Variants in TLL2 observed in about 807,000 individuals in gnomAD.
TLL2 encodes tolloid-like protein 2.
Under a neutral mutation model 123.0 loss-of-function variants are expected in TLL2, and 106 were observed. That is an observed-to-expected ratio of 0.86 (90% CI 0.74 to 1.01). The LOEUF (loss-of-function observed/expected upper bound fraction) is 1.01, where lower values mean the gene tolerates loss of function less well. TLL2 is among the 50% of genes least tolerant of loss of function. TLL2 has a pLI of 0.00. For synonymous variants in TLL2, 494 were observed against 516.8 expected (o/e 0.96, Z 0.60); for missense variants, 1,332 against 1,336.7 (o/e 1.00, Z 0.06).
rs1846104031 is a variant in TLL2, at chr10:96,373,519, C to T, written c.2662+77G>A. 13 of 1,399,908 alleles carry T rather than the reference C, an allele frequency of 9.3e-6. No homozygotes were observed. The South Asian group carries it at 1.6e-4, about 17-fold the overall frequency. 86.7% of individuals were successfully genotyped at this position (1,399,908 alleles called of 1,614,324 possible). On this transcript the variant is annotated intron_variant, in intron 19 of 20. Coordinates refer to ENST00000357947, the MANE Select transcript of TLL2 (RefSeq NM_012465.4). The stretch of plus-strand genomic sequence containing the variant: ...CCCCCAGTCAGAATAAAAGGCAGTC[C>T]TTGTCGTGCCTTCACCATTTCTCTG...
At chr10:96,469,867 G>C (rs7922918) in intron 2 of TLL2, among the ~76,000 whole-genome samples, 53,583 of 152,098 alleles carry the variant, frequency 0.35, 9,650 homozygotes, top group Middle Eastern at 0.48. Context: ...GCATCAGAGA[G>C]GCAGCAGAGC....
At chr10:96,416,549 A>T (rs1589417213) in intron 7 of TLL2, among the ~76,000 whole-genome samples, 1 of 152,204 alleles carries the variant, frequency 6.6e-6, no homozygotes, top group Non-Finnish European at 1.5e-5. Flanking sequence ...CCAGGAGCTC[A>T]CCTCTGGGAA....
chr10:96,385,213 G>A (rs1214272932), intron 15 of TLL2, among the ~76,000 whole-genome samples: 1 of 152,108 alleles, frequency 6.6e-6, no homozygotes, highest in East Asian at 1.9e-4. Context: ...AGGGAAACAA[G>A]CTCAGAGGGG....
intron 7 of TLL2, among the ~76,000 whole-genome samples, chr10:96,417,126 C>T (rs1846570505): frequency 6.6e-6 from 1 of 152,204 alleles, no homozygotes; most frequent in Non-Finnish European, 1.5e-5. Context: ...CATTTGCCCA[C>T]CTCCCCAGAT....
chr10:96,439,814 T>C (rs1846833666), intron 3 of TLL2, among the ~76,000 whole-genome samples: 1 of 152,228 alleles, frequency 6.6e-6, no homozygotes, highest in African/African-American at 2.4e-5. Context: ...CTTGCAGTGC[T>C]GGGATAAACC....
intron 3 of TLL2, among the ~76,000 whole-genome samples, chr10:96,439,727 A>G (rs1297357629): frequency 6.6e-6 from 1 of 152,190 alleles, no homozygotes; most frequent in African/African-American, 2.4e-5. Context: ...CCAGACCCAG[A>G]AAGTTGGTAT....
chr10:96,395,461 A>T, intron 12 of TLL2, 79 bp from the exon 13 acceptor site: 1 of 1,413,014 alleles, frequency 7.1e-7, no homozygotes. Flanking sequence ...GAACCCAAAT[A>T]TCACTCTCAA....
At chr10:96,422,446 G>C in intron 6 of TLL2, 103 bp downstream of exon 6, 1 of 1,328,394 alleles carries the variant, frequency 7.5e-7, no homozygotes, top group East Asian at 2.5e-5. Context: ...TCAGCAGTTA[G>C]CATTGCTCAG....
At chr10:96,449,688 C>T (rs1172481460) in intron 2 of TLL2, among the ~76,000 whole-genome samples, 2 of 152,140 alleles carry the variant, frequency 1.3e-5, no homozygotes, top group Non-Finnish European at 2.9e-5. Flanking sequence ...TATGGCCCTG[C>T]CAGCCTGCTC....
intron 10 of TLL2, among the ~76,000 whole-genome samples, chr10:96,400,703 A>G (rs779152550): frequency 6.6e-6 from 1 of 152,148 alleles, no homozygotes; most frequent in African/African-American, 2.4e-5. Context: ...AGAGGGAAAA[A>G]GGGCTTTTGT....
intron 10 of TLL2, among the ~76,000 whole-genome samples, chr10:96,397,703 G>T (rs7915341): frequency 0.31 from 47,566 of 152,092 alleles, 7,890 homozygotes; most frequent in Non-Finnish European, 0.38. Flanking sequence ...TTAGACATCT[G>T]CTTTCCTTGA....
intron 4 of TLL2, 132 bp downstream of exon 4, chr10:96,432,675 G>T: frequency 8.8e-7 from 1 of 1,141,494 alleles, no homozygotes; most frequent in Non-Finnish European, 1.2e-6. Context: ...GCAAGAGGGG[G>T]GCATCATCTG....
intron 15 of TLL2, 124 bp downstream of exon 15, chr10:96,385,931 C>T (rs1249189881): frequency 9.3e-7 from 1 of 1,073,422 alleles, no homozygotes; most frequent in Non-Finnish European, 1.3e-6. Context: ...TAGCGCAGGT[C>T]CTAAGACTGT....
intron 1 of TLL2, 108 bp downstream of exon 1, chr10:96,513,403 G>C (rs940742121): frequency 7.3e-7 from 1 of 1,373,642 alleles, no homozygotes; most frequent in African/African-American, 1.5e-5. Context: ...GGATCTCAGG[G>C]GAGGGGAGGG....
At chr10:96,373,839 A>T (rs771914750) in intron 18 of TLL2, 30 bp from the exon 19 acceptor site, 15 of 1,603,962 alleles carry the variant, frequency 9.4e-6, no homozygotes, top group African/African-American at 1.3e-5. Flanking sequence ...AAGTAAGGCA[A>T]GGGCCTGGCG....
chr10:96,503,065 C>A (rs953409111), intron 1 of TLL2, among the ~76,000 whole-genome samples: 1 of 152,054 alleles, frequency 6.6e-6, no homozygotes, highest in African/African-American at 2.4e-5. Flanking sequence ...TGAGAGGGTA[C>A]CATGAGAAAC....
chr10:96,479,250 C>T (rs1173492694), intron 2 of TLL2, among the ~76,000 whole-genome samples: 2 of 152,188 alleles, frequency 1.3e-5, no homozygotes, highest in Non-Finnish European at 2.9e-5. Flanking sequence ...ATAATTGCCC[C>T]ACCTTCCTCC....
At chr10:96,505,195 G>C (rs966569711) in intron 1 of TLL2, among the ~76,000 whole-genome samples, 3 of 152,166 alleles carry the variant, frequency 2.0e-5, no homozygotes, top group African/African-American at 7.2e-5. Context: ...CATGGGAACA[G>C]GAGAGAGAGA....
rs1846019227 is a variant in TLL2 at position 96,365,792 on chromosome 10, T to C, written c.*2296A>G. ...CTAGCCCCAGCTGAATCAGAGCTTC[T>C]CTTTTCTGTGGATACGTCACACAGA... On this transcript the variant is annotated 3_prime_UTR_variant, in exon 21 of 21. Coordinates refer to ENST00000357947, the MANE Select transcript of TLL2 (RefSeq NM_012465.4). 1 of 152,244 alleles carries C rather than the reference T, an allele frequency of 6.6e-6. No individual in the cohort carries two copies. Among genetic ancestry groups the C allele is most frequent in the African/African-American group, 2.4e-5 (1 of 41,468 alleles). The allele number at this position is 152,244 out of a possible 1,614,324, so 9.4% of individuals were successfully genotyped here.
Sources: gnomAD v4.1 joint callset for allele counts (sites outside exome capture counted in the v4.1 genomes callset) on GRCh38, gnomAD v4.1.1 for gene constraint, MANE v1.5 for transcripts, NCBI Gene and HGNC (gene_info 2026-07-23, HGNC 2026-07-21) for gene names.